Variants in MYO18A observed in about 807,000 individuals in gnomAD.
MYO18A encodes unconventional myosin-XVIIIa.
Under a neutral mutation model 235.8 loss-of-function variants are expected in MYO18A, and 78 were observed. The ratio of observed to expected loss-of-function variants is 0.33; its 90% CI spans 0.28 to 0.40. The LOEUF is 0.40. MYO18A is among the 10% of genes least tolerant of loss of function. The pLI is 1.00. For missense variants in MYO18A, 2,215 were observed against 2,699.3 expected (o/e 0.82, Z 3.98); for synonymous variants, 977 against 1,077.8 (o/e 0.91, Z 1.83).
rs1462101011 is a variant in MYO18A at position 29,120,692 on chromosome 17, C to A, written c.1652G>T (p.Gly551Val). Reference sequence around the variant, plus strand: ...GATCTGGGAGAAGCGGGTGGCATTGCCATTAATGATGGTGGGGCTGTTCCC... The same window carrying A: ...GATCTGGGAGAAGCGGGTGGCATTGACATTAATGATGGTGGGGCTGTTCCC... ...AFGNSPTIIN[G>V]NATRFSQILS... The change falls in exon 7 of 42, where the codon GGC becomes GTC. Residue 551 changes from glycine to valine, a missense_variant. Coordinates refer to ENST00000527372, the MANE Select transcript of MYO18A (RefSeq NM_078471.4). The surrounding 1 kb of genome is among the most constrained non-coding windows in gnomAD (Gnocchi z 4.2). 5 of 1,613,924 alleles carry A rather than the reference C, an allele frequency of 3.1e-6. No homozygotes were observed. In the Admixed American group the frequency reaches 8.3e-5, roughly 27 times the overall value.
At chr17:29,082,480 C>T (rs779818203) in intron 40 of MYO18A, 42 bp from the exon 41 acceptor site, 2 of 1,597,192 alleles carry the variant, frequency 1.3e-6, no homozygotes, top group East Asian at 4.5e-5. Flanking sequence ...GGCATAGGCA[C>T]CTGCTGCCCA....
chr17:29,151,407 G>A (rs1409174535), intron 2 of MYO18A, among the ~76,000 whole-genome samples: 1 of 152,070 alleles, frequency 6.6e-6, no homozygotes, highest in Non-Finnish European at 1.5e-5. Flanking sequence ...GTGTGTCCTG[G>A]TCCCTCTACC....
In MYO18A at chr17:29,073,453, C is replaced by A; in HGVS notation, c.*1317G>T. ...GTCCCCATCAGAATCCTGCCTCTGC[C>A]CACCACCCCCAGGACCAATCCAGAC... On this transcript the variant is annotated 3_prime_UTR_variant, in exon 42 of 42. Transcript: ENST00000527372. 6.0e-6 allele frequency: 1 copy of A among 165,654 alleles called. No homozygotes were observed. The highest frequency in any genetic ancestry group is 1.3e-5 in the Non-Finnish European group (1 of 76,488). 10.3% of individuals were successfully genotyped at this position (165,654 alleles called of 1,614,324 possible).
intron 2 of MYO18A, among the ~76,000 whole-genome samples, chr17:29,135,420 A>G (rs1256632302): frequency 7.1e-6 from 1 of 141,386 alleles, no homozygotes; most frequent in African/African-American, 2.8e-5. Flanking sequence ...GTTCATTCTT[A>G]AAACTGCTTA....
chr17:29,076,384 T>C (rs1451514895), intron 41 of MYO18A: 1 of 150,998 alleles, frequency 6.6e-6, no homozygotes, highest in African/African-American at 2.4e-5. Flanking sequence ...TCCTGCTGGC[T>C]TGGGCAAGTG....
chr17:29,095,112 C>T, intron 28 of MYO18A, 53 bp from the exon 29 acceptor site: 2 of 1,482,954 alleles, frequency 1.3e-6, no homozygotes, highest in Admixed American at 2.4e-5. Flanking sequence ...GGGTCCCCCA[C>T]ACAGACACTG....
intron 7 of MYO18A, among the ~76,000 whole-genome samples, chr17:29,119,853 C>T (rs76360629): frequency 0.033 from 5,076 of 151,880 alleles, 276 homozygotes; most frequent in African/African-American, 0.12. Context: ...CGTGAGCCAC[C>T]GCACCCAACC....
rs766900608 is a variant in MYO18A, at chr17:29,166,226, T to C, written c.715A>G (p.Thr239Ala). The C allele has an allele frequency of 1.2e-6, 2 of 1,612,870 alleles. No individual in the cohort carries two copies. Among genetic ancestry groups the C allele is most frequent in the Non-Finnish European group, 1.7e-6 (2 of 1,179,844 alleles). ...CCCTCGGGGCCCCGATCCAGCATGG[T>C]TGTGCGCCGCAGGGAGAAGCCAAAG... ...GDFGFSLRRT[T>A]MLDRGPEGQA... Residue 239 changes from threonine (T) to alanine (A), a missense_variant, in exon 2 of 42, where the codon ACC becomes GCC. Transcript: ENST00000527372.
chr17:29,110,637 A>C lies in MYO18A; in HGVS notation c.2901-15T>G, dbSNP rs1303579350. 1 of 1,594,064 alleles carries C rather than the reference A, an allele frequency of 6.3e-7. No individual in the cohort carries two copies. The highest frequency in any genetic ancestry group is 2.2e-5 in the East Asian group (1 of 44,468). ...TGATGATTTTTCTGCCAGAGGTGGG[A>C]GGATAAGGGAGGAAAAGCAGTCACA... On this transcript the variant is annotated splice_polypyrimidine_tract_variant and intron_variant, in intron 17 of 41. Transcript: ENST00000527372.
chr17:29,118,342 C>A lies in MYO18A; in HGVS notation c.1893+35G>T. 1.3e-6 allele frequency: 2 copies of A among 1,589,444 alleles called. No homozygotes were observed. The highest frequency in any genetic ancestry group is 1.7e-6 in the Non-Finnish European group (2 of 1,161,664). ...GGAGGCTTCTCCTACCCCCAAGGCC[C>A]AGGGCTGGCAACCCAGACCCCACAG... On this transcript the variant is annotated intron_variant, in intron 9 of 41. Coordinates refer to ENST00000527372, the MANE Select transcript of MYO18A (RefSeq NM_078471.4). This position sits in a 1 kb window ranked among gnomAD's most constrained non-coding sequence, Gnocchi z 4.2.
At chr17:29,142,338 T>A (rs2067760815) in intron 2 of MYO18A, among the ~76,000 whole-genome samples, 1 of 152,166 alleles carries the variant, frequency 6.6e-6, no homozygotes, top group African/African-American at 2.4e-5. Flanking sequence ...AGCACAGAAA[T>A]GTCCATTTGT....
intron 2 of MYO18A, among the ~76,000 whole-genome samples, chr17:29,152,639 G>T (rs72817643): frequency 0.027 from 4,078 of 152,302 alleles, 70 homozygotes; most frequent in Non-Finnish European, 0.035. Context: ...CAGCACCTGT[G>T]ACATTCCTGC....
At chr17:29,133,311 A>T (rs2067518323) in intron 2 of MYO18A, among the ~76,000 whole-genome samples, 1 of 152,222 alleles carries the variant, frequency 6.6e-6, no homozygotes, top group Non-Finnish European at 1.5e-5. Flanking sequence ...GCACACGCAT[A>T]AAGGCACACA....
intron 2 of MYO18A, among the ~76,000 whole-genome samples, chr17:29,135,345 AC>A (rs568277567): frequency 5.5e-4 from 84 of 152,018 alleles, no homozygotes; most frequent in Non-Finnish European, 9.3e-4. Flanking sequence ...CTCGTGATCC[AC>A]CCGCCTTGGC....
intron 2 of MYO18A, chr17:29,128,989 T>A: frequency 8.2e-7 from 1 of 1,215,924 alleles, no homozygotes; most frequent in Non-Finnish European, 1.1e-6. Context: ...CATGGAGAGG[T>A]CAAACAGCCG....
intron 1 of MYO18A, among the ~76,000 whole-genome samples, chr17:29,175,605 C>T (rs1278260755): frequency 6.6e-6 from 1 of 151,990 alleles, no homozygotes; most frequent in Non-Finnish European, 1.5e-5. Context: ...CTCAAGCAAT[C>T]TGCCTATCTC....
chr17:29,083,526 G>C (rs776978153), intron 40 of MYO18A, among the ~76,000 whole-genome samples: 1 of 140,516 alleles, frequency 7.1e-6, no homozygotes, highest in Non-Finnish European at 1.6e-5. Flanking sequence ...ATGTGTGCGC[G>C]CGCGCGCACA....
rs760595757 is a variant in MYO18A at position 29,110,021 on chromosome 17, C to G, written c.3168G>C (p.Gly1056=). Residue 1056 remains glycine, a synonymous_variant, in exon 19 of 42, where the codon GGG becomes GGC. Coordinates refer to ENST00000527372, the MANE Select transcript of MYO18A (RefSeq NM_078471.4). ...CFLPVAEGWA[G]EPRSASSRRV... is the part of the protein sequence containing the mutation. ...GGCGGGAGGAGGCGGAACGGGGCTC[C>G]CCAGCCCAGCCCTCAGCTACAGGCA... 26 of 1,613,114 alleles carry G rather than the reference C, an allele frequency of 1.6e-5. No homozygotes were observed. In the East Asian group the frequency reaches 5.8e-4, roughly 36 times the overall value.
chr17:29,074,450 G>A lies in MYO18A; in HGVS notation c.*320C>T. ...CCGTCCCTGAGCAGGGAGCTGAGAG[G>A]GAGGTCAACGTGCTGGCTCCATGCA... On this transcript the variant is annotated 3_prime_UTR_variant, in exon 42 of 42. Coordinates refer to ENST00000527372, the MANE Select transcript of MYO18A (RefSeq NM_078471.4). This position sits in a 1 kb window ranked among gnomAD's most constrained non-coding sequence, Gnocchi z 4.4. 3 of 581,484 alleles carry A rather than the reference G, an allele frequency of 5.2e-6. No individual in the cohort carries two copies. The highest frequency in any genetic ancestry group is 9.4e-6 in the Non-Finnish European group (3 of 320,290). The allele number at this position is 581,484 out of a possible 1,614,324, so 36.0% of individuals were successfully genotyped here.
Sources: gnomAD v4.1 joint callset for allele counts (sites outside exome capture counted in the v4.1 genomes callset) on GRCh38, gnomAD v4.1.1 for gene constraint, Gnocchi (gnomAD v3.1) non-coding constraint, MANE v1.5 for transcripts, NCBI Gene and HGNC (gene_info 2026-07-23, HGNC 2026-07-21) for gene names.